The following ZNF484 variants were observed in gnomAD, a reference collection of about 807,000 sequenced individuals.
ZNF484 encodes the protein KRAB box containing C2H2 type zinc finger bA526D8.4.
ZNF484 carries 11 observed loss-of-function variants against 12.9 expected under a neutral mutation model. The ratio of observed to expected loss-of-function variants is 0.85; its 90% confidence interval spans 0.54 to 1.41. ZNF484 has a LOEUF of 1.41. ZNF484 is among the 40% of genes most tolerant of loss of function. The pLI is 0.00. For missense variants in ZNF484, 807 were observed against 1,007.7 expected (o/e 0.80, Z 2.70); for synonymous variants, 289 against 334.1 (o/e 0.86, Z 1.47).
chr9:92,849,768 G>A (rs573999305), intron 4 of ZNF484, among the ~76,000 whole-genome samples: 1 of 152,156 alleles, frequency 6.6e-6, no homozygotes, highest in East Asian at 1.9e-4. Context: ...TCCAGCCTGG[G>A]TGACAGAGTG....
chr9:92,877,847 T>G, intron 1 of ZNF484, 43 bp downstream of exon 1: 1 of 1,535,184 alleles, frequency 6.5e-7, no homozygotes, highest in South Asian at 1.2e-5. Context: ...ACATCAGAGA[T>G]TCTTCTTGCT....
At position 92,846,360 on chromosome 9, in the gene ZNF484, C is replaced by T; in HGVS notation, c.2427G>A (p.Leu809=). ...TKQKPYKCSD[L]GKALNWKPQL... is the part of the protein sequence containing the mutation. ...GTGGCTTCCAGTTTAAGGCTTTCCC[C>T]AAGTCACTGCACTTATAGGGTTTCT... The change falls in exon 5 of 5, where the codon TTG becomes TTA. Residue 809 remains leucine, a synonymous_variant. Coordinates refer to ENST00000375495, the MANE Select transcript of ZNF484 (RefSeq NM_031486.4). 2 of 1,614,138 alleles carry T rather than the reference C, an allele frequency of 1.2e-6. No individual in the cohort carries two copies. The highest frequency in any genetic ancestry group is 1.7e-6 in the Non-Finnish European group (2 of 1,180,006).
In ZNF484 at chr9:92,848,461, T is replaced by A. The variant is rs756238665; in HGVS notation, c.326A>T (p.Asp109Val). 2 of 1,614,064 alleles carry A rather than the reference T, an allele frequency of 1.2e-6. No individual in the cohort carries two copies. The highest frequency in any genetic ancestry group is 2.7e-5 in the African/African-American group (2 of 75,050). ...SEININLFTR[D>V]DPYSILEELW... ...TTCTTCTAAAATGGAATATGGGTCA[T>A]CTCTTGTGAAGAGATTAATATTAAT... Residue 109 changes from aspartate to valine, a missense_variant, in exon 5 of 5, where the codon GAT becomes GTT. Coordinates refer to ENST00000375495, the MANE Select transcript of ZNF484 (RefSeq NM_031486.4). This position sits in a 1 kb window ranked among gnomAD's most constrained non-coding sequence, Gnocchi z 4.1.
chr9:92,873,143 C>CATAG (rs1857561311), intron 2 of ZNF484, among the ~76,000 whole-genome samples: 1 of 152,078 alleles, frequency 6.6e-6, no homozygotes, highest in African/African-American at 2.4e-5. Context: ...ATTCTCTCTC[C>CATAG]ATAGGCAGGC....
At chr9:92,870,223 T>C (rs1857348587) in intron 2 of ZNF484, among the ~76,000 whole-genome samples, 1 of 152,198 alleles carries the variant, frequency 6.6e-6, no homozygotes, top group South Asian at 2.1e-4. Flanking sequence ...CGGCCTCATA[T>C]AGATAGCTCT....
At chr9:92,856,478 A>G (rs960358915) in intron 2 of ZNF484, among the ~76,000 whole-genome samples, 160 bp from the exon 3 acceptor site, 1 of 152,230 alleles carries the variant, frequency 6.6e-6, no homozygotes, top group Non-Finnish European at 1.5e-5. Flanking sequence ...AACTTCTACA[A>G]TTCAACGACA....
intron 1 of ZNF484, among the ~76,000 whole-genome samples, chr9:92,875,909 A>G (rs1437481731): frequency 1.3e-5 from 2 of 152,252 alleles, no homozygotes; most frequent in East Asian, 1.9e-4. Flanking sequence ...AGGAAATAAG[A>G]AAACTCTTCA....
Position 92,855,880 on chromosome 9 carries a change from CT to C in ZNF484, c.165del (p.Val56SerfsTer60). 1 of 1,614,116 alleles carries C rather than the reference CT, an allele frequency of 6.2e-7. No individual in the cohort carries two copies. Among genetic ancestry groups the C allele is most frequent in the South Asian group, 1.1e-5 (1 of 91,082 alleles). On this transcript the variant is annotated frameshift_variant, in exon 4 of 5. Coordinates refer to ENST00000375495, the MANE Select transcript of ZNF484 (RefSeq NM_031486.4). LOFTEE classifies it high-confidence loss of function. ...ISVGCQVPKPEVIFSLEQEEP... is the reference protein window; with the variant it reads ...ISVGCQVPKPXVIFSLEQEEP... ...TCTTCTTGTTCCAAGCTGAAGATGA[CT>C]TCTGGTTTGGGAACTTGACATCCTG...
At position 92,845,416 on chromosome 9, in the gene ZNF484, A is replaced by G. The variant is rs1855525686; in HGVS notation, c.*812T>C. Reference sequence around the variant, plus strand: ...CAACTACATTTTATCTTCTAAGGACACAAACTAAAATTCAAGATGCTTGTG... The same window carrying G: ...CAACTACATTTTATCTTCTAAGGACGCAAACTAAAATTCAAGATGCTTGTG... On this transcript the variant is annotated 3_prime_UTR_variant, in exon 5 of 5. Transcript: ENST00000375495. This position sits in a 1 kb window ranked among gnomAD's most constrained non-coding sequence, Gnocchi z 4.0. 1 of 152,250 alleles carries G rather than the reference A, an allele frequency of 6.6e-6. No homozygotes were observed. Among genetic ancestry groups the G allele is most frequent in the Non-Finnish European group, 1.5e-5 (1 of 68,040 alleles). The allele number at this position is 152,250 out of a possible 1,614,324, so 9.4% of individuals were successfully genotyped here.
At chr9:92,861,999 A>G (rs1856807916) in intron 2 of ZNF484, 1 of 228,704 alleles carries the variant, frequency 4.4e-6, no homozygotes, top group Non-Finnish European at 7.2e-6. Context: ...CTTTCTCATT[A>G]AAAACCACAG....
At position 92,845,299 on chromosome 9, in the gene ZNF484, C is replaced by T. The variant is rs1170281176; in HGVS notation, c.*929G>A. ...TTGATAGAAGAAAAGACAAAAAAGT[C>T]TATTCAAATACAGAGAATTTGAAAA... On this transcript the variant is annotated 3_prime_UTR_variant, in exon 5 of 5. Transcript: ENST00000375495. The surrounding 1 kb of genome is among the most constrained non-coding windows in gnomAD (Gnocchi z 4.0). The T allele has an allele frequency of 6.6e-6, 1 of 152,084 alleles. No individual in the cohort carries two copies. The highest frequency in any genetic ancestry group is 2.4e-5 in the African/African-American group (1 of 41,418). The allele number at this position is 152,084 out of a possible 1,614,324, so 9.4% of individuals were successfully genotyped here.
At chr9:92,864,825 A>G (rs113553384) in intron 2 of ZNF484, among the ~76,000 whole-genome samples, 150 of 152,350 alleles carry the variant, frequency 9.8e-4, no homozygotes, top group African/African-American at 3.3e-3. Flanking sequence ...ACCAGATTAC[A>G]TTCATTAATC....
chr9:92,848,569 G>T lies in ZNF484; in HGVS notation c.236-18C>A. 1 of 1,549,602 alleles carries T rather than the reference G, an allele frequency of 6.5e-7. No homozygotes were observed. Among genetic ancestry groups the T allele is most frequent in the South Asian group, 1.2e-5 (1 of 81,060 alleles). ...GTCCCCATCTAAAAAAGAAAGAAAA[G>T]ATAAGACTGACAAAAAGAACAATTA... On this transcript the variant is annotated intron_variant, in intron 4 of 4. Transcript: ENST00000375495. The surrounding 1 kb of genome is among the most constrained non-coding windows in gnomAD (Gnocchi z 4.1).
At chr9:92,876,429 G>T (rs1416954900) in intron 1 of ZNF484, among the ~76,000 whole-genome samples, 2 of 151,996 alleles carry the variant, frequency 1.3e-5, no homozygotes, top group African/African-American at 4.8e-5. Flanking sequence ...CTATAAATTG[G>T]ATTTGAAAAA....
chr9:92,850,360 T>A (rs1855992728), intron 4 of ZNF484, among the ~76,000 whole-genome samples: 1 of 152,182 alleles, frequency 6.6e-6, no homozygotes, highest in Non-Finnish European at 1.5e-5. Flanking sequence ...GAGTCTAGAT[T>A]CTTTTCCTTA....
chr9:92,862,082 C>T (rs1335730166), intron 2 of ZNF484: 6 of 805,600 alleles, frequency 7.4e-6, no homozygotes, highest in Non-Finnish European at 9.0e-6. Flanking sequence ...ATTCAATATC[C>T]AGTGAAAATA....
chr9:92,877,045 C>T (rs1438296638), intron 1 of ZNF484, among the ~76,000 whole-genome samples: 2 of 152,078 alleles, frequency 1.3e-5, no homozygotes, highest in Non-Finnish European at 2.9e-5. Flanking sequence ...AAATAAAAAA[C>T]AGCTAAAACA....
chr9:92,863,698 G>A (rs1183525228), intron 2 of ZNF484, among the ~76,000 whole-genome samples: 1 of 152,212 alleles, frequency 6.6e-6, no homozygotes, highest in Non-Finnish European at 1.5e-5. Context: ...AGTAGAGATT[G>A]ATGAATGGAA....
chr9:92,848,951 AAAT>A lies in ZNF484; in HGVS notation c.236-403_236-401del, dbSNP rs1268655491. On this transcript the variant is annotated intron_variant, in intron 4 of 4. Transcript: ENST00000375495. This position sits in a 1 kb window ranked among gnomAD's most constrained non-coding sequence, Gnocchi z 4.1. ...TAAATAAATAAATAAATAAATAAAT[AAAT>A]AAAAATACAATAGACCTTTGATTCA... Among the ~76,000 whole-genome samples the A allele has an allele frequency of 5.3e-5, 8 of 150,340 alleles. No individual in the cohort carries two copies. Among genetic ancestry groups the A allele is most frequent in the Non-Finnish European group, 8.9e-5 (6 of 67,622 alleles).
Sources: allele counts gnomAD v4.1 joint callset (sites outside exome capture counted in the v4.1 genomes callset), GRCh38; gene constraint gnomAD v4.1.1; non-coding constraint Gnocchi (gnomAD v3.1); transcripts MANE v1.5; gene names NCBI Gene and HGNC (gene_info 2026-07-23, HGNC 2026-07-21).